TACC2: variants seen among roughly 807,000 people sequenced by gnomAD.
The protein encoded by TACC2 is transforming acidic coiled-coil-containing protein 2.
TACC2 carries 137 observed loss-of-function variants against 227.3 expected under a neutral mutation model. The ratio of observed to expected loss-of-function variants is 0.60; its 90% confidence interval spans 0.52 to 0.69. The LOEUF is 0.69. Among genes scored for constraint, TACC2 ranks in the 30% least tolerant of loss-of-function variants. TACC2 has a pLI of 0.00. For missense variants in TACC2, 3,470 were observed against 3,694.4 expected (o/e 0.94, Z 1.57); for synonymous variants, 1,523 against 1,487.5 (o/e 1.02, Z -0.55).
intron 16 of TACC2, among the ~76,000 whole-genome samples, chr10:122,231,866 C>T (rs1449141270): frequency 1.3e-5 from 2 of 152,194 alleles, no homozygotes; most frequent in Non-Finnish European, 2.9e-5. Context: ...CAAATGGGAG[C>T]CCCTGGCCTG....
intron 1 of TACC2, among the ~76,000 whole-genome samples, chr10:122,006,134 C>T (rs905893057): frequency 6.6e-6 from 1 of 151,870 alleles, no homozygotes; most frequent in Non-Finnish European, 1.5e-5. Flanking sequence ...TGTTATCTTG[C>T]TTTGTTTATT....
rs1016998643 is a variant in TACC2, at chr10:122,209,655, C to T, written c.5972-742C>T. The stretch of plus-strand genomic sequence containing the variant: ...CTCCTATCCCGGCTTTATTTTTCTC[C>T]TTAGCATGTATCACCCTCTGAAATT... On this transcript the variant is annotated intron_variant, in intron 8 of 22. Coordinates refer to ENST00000369005, the MANE Select transcript of TACC2 (RefSeq NM_206862.4). This position sits in a 1 kb window ranked among gnomAD's most constrained non-coding sequence, Gnocchi z 4.5. Among the ~76,000 whole-genome samples the T allele has an allele frequency of 6.6e-6, 1 of 152,112 alleles. No individual in the cohort carries two copies. The highest frequency in any genetic ancestry group is 2.4e-5 in the African/African-American group (1 of 41,414).
In TACC2 at chr10:122,008,246, G is replaced by A. The variant is rs1018151857; in HGVS notation, c.-45-13691G>A. On this transcript the variant is annotated intron_variant, in intron 1 of 22. Coordinates refer to ENST00000369005, the MANE Select transcript of TACC2 (RefSeq NM_206862.4). The stretch of plus-strand genomic sequence containing the variant: ...TCCTTTGAATTCTGTCTATCCCTTT[G>A]TTATTATTATTATTATTATTTTTTT... 5.4e-3 allele frequency among the ~76,000 whole-genome samples: 600 copies of A among 111,882 alleles called. 3 individuals carry two copies. The highest frequency in any genetic ancestry group is 0.018 in the African/African-American group (575 of 31,164). 73.4% of individuals were successfully genotyped at this position (111,882 alleles called of 152,430 possible).
In TACC2 at chr10:122,180,354, T is replaced by TG. The variant is rs2093929698; in HGVS notation, c.5835-14683dup. Among the ~76,000 whole-genome samples the TG allele has an allele frequency of 6.6e-6, 1 of 150,864 alleles. No individual in the cohort carries two copies. The highest frequency in any genetic ancestry group is 2.4e-5 in the African/African-American group (1 of 41,242). ...CCCCCCAGTTCTTTTTTTTTTTTTT[T>TG]GGGTTAATAGTCTGGCTTTGTCGCC... On this transcript the variant is annotated intron_variant, in intron 7 of 22. Coordinates refer to ENST00000369005, the MANE Select transcript of TACC2 (RefSeq NM_206862.4). The surrounding 1 kb of genome is among the most constrained non-coding windows in gnomAD (Gnocchi z 4.5).
At chr10:122,105,543 G>C (rs1409529090) in intron 5 of TACC2, among the ~76,000 whole-genome samples, 1 of 152,010 alleles carries the variant, frequency 6.6e-6, no homozygotes, top group Non-Finnish European at 1.5e-5. Context: ...CCTGGTGTCT[G>C]CTGGTGTTTT....
chr10:122,076,507 G>A (rs1419556668), intron 3 of TACC2, among the ~76,000 whole-genome samples: 2 of 152,188 alleles, frequency 1.3e-5, no homozygotes, highest in East Asian at 3.8e-4. Flanking sequence ...GCAACGAGTA[G>A]CAGTGATGAT....
intron 5 of TACC2, among the ~76,000 whole-genome samples, chr10:122,099,864 T>C (rs980202240): frequency 5.9e-5 from 9 of 152,210 alleles, no homozygotes; most frequent in African/African-American, 2.2e-4. Flanking sequence ...TCTGTTGAAG[T>C]GTTGTGTATA....
In TACC2 at chr10:122,141,846, T is replaced by A. The variant is rs2090609332; in HGVS notation, c.5700-1726T>A. Among the ~76,000 whole-genome samples the A allele has an allele frequency of 6.6e-6, 1 of 152,096 alleles. No homozygotes were observed. Among genetic ancestry groups the A allele is most frequent in the Non-Finnish European group, 1.5e-5 (1 of 68,030 alleles). On this transcript the variant is annotated intron_variant, in intron 6 of 22. Coordinates refer to ENST00000369005, the MANE Select transcript of TACC2 (RefSeq NM_206862.4). The surrounding 1 kb of genome is among the most constrained non-coding windows in gnomAD (Gnocchi z 4.3). The stretch of plus-strand genomic sequence containing the variant: ...TGTGGTGGAGGGGGGAGCACAGCAG[T>A]GTAATTTCTTGAGAAAGCGAAGTTA...
At chr10:122,142,387 C>T (rs560851912) in intron 6 of TACC2, among the ~76,000 whole-genome samples, 17 of 152,296 alleles carry the variant, frequency 1.1e-4, no homozygotes, top group African/African-American at 3.1e-4. Context: ...GAGGCCAGGA[C>T]GGTGAGGGGC....
chr10:122,190,446 G>T (rs545809265), intron 7 of TACC2, among the ~76,000 whole-genome samples: 6 of 152,122 alleles, frequency 3.9e-5, no homozygotes, highest in Non-Finnish European at 8.8e-5. Context: ...TTTTTAAGCC[G>T]AACTAGTACA....
At chr10:122,250,000 G>C (rs922692810) in intron 22 of TACC2, among the ~76,000 whole-genome samples, 2 of 152,196 alleles carry the variant, frequency 1.3e-5, no homozygotes, top group Non-Finnish European at 2.9e-5. Context: ...ATGCTTACTG[G>C]GTGAGTGGAT....
chr10:122,059,335 C>T (rs2076548425), intron 3 of TACC2, among the ~76,000 whole-genome samples: 2 of 151,834 alleles, frequency 1.3e-5, no homozygotes, highest in Non-Finnish European at 2.9e-5. Context: ...TTAAAGTACC[C>T]GTTTCCTGAA....
intron 22 of TACC2, among the ~76,000 whole-genome samples, chr10:122,251,912 C>T (rs1187715942): frequency 9.9e-5 from 15 of 152,204 alleles, no homozygotes; most frequent in Admixed American, 9.8e-4. Context: ...AGGTTCTTCC[C>T]TGAAAGACCT....
intron 5 of TACC2, among the ~76,000 whole-genome samples, chr10:122,097,013 G>C (rs955129581): frequency 6.6e-6 from 1 of 152,070 alleles, no homozygotes; most frequent in Non-Finnish European, 1.5e-5. Flanking sequence ...AAGCCTGGCC[G>C]AGGGTGTTTA....
intron 19 of TACC2, chr10:122,247,742 G>C (rs1242644683): frequency 6.6e-6 from 1 of 152,196 alleles, no homozygotes; most frequent in African/African-American, 2.4e-5. Context: ...ACGCTGGGGA[G>C]TTCACAGTGG....
chr10:122,021,941 C>G lies in TACC2; in HGVS notation c.-41C>G, dbSNP rs756798875. 1.5e-5 allele frequency: 24 copies of G among 1,611,194 alleles called. No individual in the cohort carries two copies. Among genetic ancestry groups the G allele is most frequent in the Non-Finnish European group, 1.9e-5 (22 of 1,177,444 alleles). Reference sequence around the variant, plus strand: ...ATACCCTTTTGTTTCTTCCAGTCACCTCTGACAAAATTCTGGGGACGCTGG... The same window carrying G: ...ATACCCTTTTGTTTCTTCCAGTCACGTCTGACAAAATTCTGGGGACGCTGG... On this transcript the variant is annotated 5_prime_UTR_variant, in exon 2 of 23. Coordinates refer to ENST00000369005, the MANE Select transcript of TACC2 (RefSeq NM_206862.4).
At chr10:121,996,405 A>G (rs144368378) in intron 1 of TACC2, among the ~76,000 whole-genome samples, 7 of 152,152 alleles carry the variant, frequency 4.6e-5, no homozygotes, top group African/African-American at 1.7e-4. Flanking sequence ...TAGAGTGAGA[A>G]GCCACTGCTT....
chr10:122,113,290 C>T (rs539708935), intron 5 of TACC2: 1 of 152,426 alleles, frequency 6.6e-6, no homozygotes, highest in African/African-American at 2.4e-5. Flanking sequence ...GCCCGAAGGA[C>T]CTTGGCCCCC....
At chr10:121,990,506 G>A (rs549179695) in intron 1 of TACC2, among the ~76,000 whole-genome samples, 2 of 151,126 alleles carry the variant, frequency 1.3e-5, no homozygotes, top group African/African-American at 2.4e-5. Flanking sequence ...GCAGGGCAAA[G>A]GGTAGATTCC....
Sources: allele counts gnomAD v4.1 joint callset (sites outside exome capture counted in the v4.1 genomes callset), GRCh38; gene constraint gnomAD v4.1.1; non-coding constraint Gnocchi (gnomAD v3.1); transcripts MANE v1.5; gene names NCBI Gene and HGNC (gene_info 2026-07-23, HGNC 2026-07-21).